PBX1: variants seen among roughly 807,000 people sequenced by gnomAD.
PBX1 encodes PBX homeobox 1, also known as pre-B-cell leukemia transcription factor 1.
In PBX1, 6 loss-of-function variants were observed where a neutral mutation model predicts 53.4. The ratio of observed to expected loss-of-function variants is 0.11; its 90% confidence interval spans 0.06 to 0.22. The LOEUF (loss-of-function observed/expected upper bound fraction) is 0.22. Among genes scored for constraint, PBX1 ranks in the 10% least tolerant of loss-of-function variants. The pLI is 1.00. For synonymous variants in PBX1, 204 were observed against 212.3 expected (o/e 0.96, Z 0.34); for missense variants, 251 against 551.4 (o/e 0.46, Z 5.46).
chr1:164,571,906 T>A (rs1449809253), intron 2 of PBX1, among the ~76,000 whole-genome samples: 1 of 120,272 alleles, frequency 8.3e-6, no homozygotes, highest in African/African-American at 3.1e-5. Context: ...TATATATATA[T>A]ATATATATAT....
intron 8 of PBX1, among the ~76,000 whole-genome samples, chr1:164,841,289 G>T (rs1480970917): frequency 2.0e-5 from 3 of 152,202 alleles, no homozygotes; most frequent in Non-Finnish European, 4.4e-5. Context: ...CATTCAAGGG[G>T]AAAGAAGCAG....
chr1:164,877,257 A>G (rs1672535034), intron 2 of PBX1, among the ~76,000 whole-genome samples: 1 of 149,568 alleles, frequency 6.7e-6, no homozygotes, highest in African/African-American at 2.4e-5. Flanking sequence ...GTGATGGGCA[A>G]AAAAAAAAAA....
At chr1:164,582,162 T>C (rs1359106256) in intron 2 of PBX1, among the ~76,000 whole-genome samples, 1 of 152,190 alleles carries the variant, frequency 6.6e-6, no homozygotes, top group Non-Finnish European at 1.5e-5. Flanking sequence ...CCTTTCTTAT[T>C]GTGAACTTCT....
intron 2 of PBX1, among the ~76,000 whole-genome samples, chr1:164,728,051 G>A (rs765839870): frequency 3.9e-5 from 6 of 152,184 alleles, no homozygotes; most frequent in South Asian, 2.1e-4. Context: ...CAGGCTGGGC[G>A]TGGTGGCTCA....
chr1:164,657,336 G>A (rs548515132), intron 2 of PBX1: 12 of 152,220 alleles, frequency 7.9e-5, no homozygotes, highest in African/African-American at 2.7e-4. Flanking sequence ...CATGTATCTG[G>A]GAGATGTTTA....
intron 8 of PBX1, among the ~76,000 whole-genome samples, chr1:164,836,150 T>G (rs748933762): frequency 1.3e-5 from 2 of 152,208 alleles, no homozygotes; most frequent in Non-Finnish European, 2.9e-5. Context: ...AATGGTATTT[T>G]GAGTGACTAG....
intron 2 of PBX1, among the ~76,000 whole-genome samples, chr1:164,752,007 G>A (rs557947894): frequency 6.6e-6 from 1 of 152,158 alleles, no homozygotes; most frequent in South Asian, 2.1e-4. Flanking sequence ...AGAATGTAAA[G>A]GGGTCTCAAG....
chr1:164,709,016 C>T lies in PBX1; in HGVS notation c.266-83478C>T, dbSNP rs1031069713. Reference sequence around the variant, plus strand: ...CTAGTCCTTGAGGTGTACACACAGCCGCGGAGACACCCCAGCAAATCAGCG... The same window carrying T: ...CTAGTCCTTGAGGTGTACACACAGCTGCGGAGACACCCCAGCAAATCAGCG... On this transcript the variant is annotated intron_variant, in intron 2 of 8. Transcript: ENST00000420696. 3.3e-5 allele frequency among the ~76,000 whole-genome samples: 5 copies of T among 152,208 alleles called. No individual in the cohort carries two copies. The East Asian group carries it at 5.8e-4, about 18-fold the overall frequency.
intron 2 of PBX1, chr1:164,703,007 T>C (rs1430742920): frequency 7.0e-6 from 1 of 142,556 alleles, no homozygotes; most frequent in Non-Finnish European, 1.6e-5. Flanking sequence ...TGCAAATGTC[T>C]ATTATTAAAA....
chr1:164,712,927 G>A (rs144323231), intron 2 of PBX1, among the ~76,000 whole-genome samples: 150 of 152,270 alleles, frequency 9.9e-4, no homozygotes, highest in African/African-American at 3.0e-3. Flanking sequence ...TTGCCTGGAC[G>A]ACGACTTCAT....
chr1:164,793,873 T>C (rs916355550), intron 3 of PBX1, among the ~76,000 whole-genome samples: 24 of 54,312 alleles, frequency 4.4e-4, no homozygotes, highest in South Asian at 8.2e-4. Context: ...TTTTCCTTTC[T>C]TTTTTTTTTT....
intron 4 of PBX1, among the ~76,000 whole-genome samples, chr1:164,803,932 G>A (rs759981288): frequency 3.9e-5 from 6 of 151,974 alleles, no homozygotes; most frequent in African/African-American, 7.3e-5. Context: ...CTGTAAATAG[G>A]AATAAATATT....
intron 2 of PBX1, among the ~76,000 whole-genome samples, chr1:164,579,068 A>T (rs1654443493): frequency 2.0e-5 from 3 of 151,870 alleles, no homozygotes; most frequent in African/African-American, 7.3e-5. Context: ...ACATTTGCTC[A>T]CCTGGGCAGC....
chr1:164,829,221 T>C (rs796380426), intron 8 of PBX1: 1 of 152,192 alleles, frequency 6.6e-6, no homozygotes, highest in African/African-American at 2.4e-5. Context: ...GTCAATATTA[T>C]TTTCAAAAAT....
chr1:164,654,457 A>T (rs184910036), intron 2 of PBX1, among the ~76,000 whole-genome samples: 2 of 152,330 alleles, frequency 1.3e-5, no homozygotes, highest in Admixed American at 1.3e-4. Context: ...GGCCTTTGTC[A>T]TTAAATCCAC....
rs1373878724 is a variant in PBX1 at position 164,849,531 on chromosome 1, C to T, written c.*2855C>T. On this transcript the variant is annotated 3_prime_UTR_variant, in exon 9 of 9. Coordinates refer to ENST00000420696, the MANE Select transcript of PBX1 (RefSeq NM_002585.4). ...CCAGTCCTACAGAGAGCAAGATGCA[C>T]CCCAGGATTTCTTCATTTTCTAATA... 3.0e-6 allele frequency: 4 copies of T among 1,325,392 alleles called. No individual in the cohort carries two copies. The highest frequency in any genetic ancestry group is 2.4e-5 in the Admixed American group (1 of 41,422). The allele number at this position is 1,325,392 out of a possible 1,614,324, so 82.1% of individuals were successfully genotyped here.
At position 164,776,932 on chromosome 1, in the gene PBX1, T is replaced by TA. The variant is rs1490544476; in HGVS notation, c.266-15562_266-15561insA. Reference sequence around the variant, plus strand: ...GTGTGTGTGTGTGTGTGTGTGTGTGTGTGGTGGGAGGAGAGAGAGAGAGAG... The same window carrying TA: ...GTGTGTGTGTGTGTGTGTGTGTGTGTAGTGGTGGGAGGAGAGAGAGAGAGAG... On this transcript the variant is annotated intron_variant, in intron 2 of 8. Transcript: ENST00000420696. 7.2e-3 allele frequency among the ~76,000 whole-genome samples: 537 copies of TA among 74,586 alleles called. 48 individuals are homozygous for TA. The East Asian group carries it at 0.11, about 15-fold the overall frequency. 48.9% of individuals were successfully genotyped at this position (74,586 alleles called of 152,430 possible). A position where few individuals can be genotyped will look rare whatever the true frequency, so the allele number is the denominator to read the frequency against.
At chr1:164,771,928 G>A (rs1161228993) in intron 2 of PBX1, among the ~76,000 whole-genome samples, 2 of 152,192 alleles carry the variant, frequency 1.3e-5, no homozygotes, top group South Asian at 2.1e-4. Context: ...CAAACATGAG[G>A]GAAGGAGAAT....
intron 2 of PBX1, among the ~76,000 whole-genome samples, chr1:164,638,057 C>T (rs541461642): frequency 2.6e-5 from 4 of 152,296 alleles, no homozygotes; most frequent in East Asian, 3.9e-4. Context: ...TACGTTCCTT[C>T]GAAATTCAGC....
Sources: gnomAD v4.1 joint callset for allele counts (sites outside exome capture counted in the v4.1 genomes callset) on GRCh38, gnomAD v4.1.1 for gene constraint, MANE v1.5 for transcripts, NCBI Gene and HGNC (gene_info 2026-07-23, HGNC 2026-07-21) for gene names.